The following MCF2L variants were observed in gnomAD, a reference collection of about 807,000 sequenced individuals.
The protein encoded by MCF2L is guanine nucleotide exchange factor DBS.
MCF2L carries 97 observed loss-of-function variants against 153.4 expected under a neutral mutation model. The ratio of observed to expected loss-of-function variants is 0.63; its 90% confidence interval spans 0.54 to 0.75. The LOEUF is 0.75. Among genes scored for constraint, MCF2L ranks in the 30% least tolerant of loss-of-function variants. The probability of loss-of-function intolerance (pLI) is 0.00; values close to 1 mark genes in which losing one functional copy is unlikely to be tolerated. For synonymous variants in MCF2L, 659 were observed against 632.2 expected, an observed-to-expected ratio of 1.04 and a Z score of -0.64; for missense variants, 1,347 against 1,495.2, an observed-to-expected ratio of 0.90 and a Z score of 1.64.
At chr13:112,990,926 T>C (rs1334047226) in intron 1 of MCF2L, among the ~76,000 whole-genome samples, 1 of 152,242 alleles carries the variant, frequency 6.6e-6, no homozygotes, top group Non-Finnish European at 1.5e-5. Flanking sequence ...GAAAACCCGC[T>C]GCCTCCTCCC....
At position 113,054,781 on chromosome 13, in the gene MCF2L, C is replaced by T. The variant is rs931356463; in HGVS notation, c.370-5812C>T. 6.6e-6 allele frequency: 1 copy of T among 152,218 alleles called. No individual in the cohort carries two copies. Among genetic ancestry groups the T allele is most frequent in the African/African-American group, 2.4e-5 (1 of 41,454 alleles). The allele number at this position is 152,218 out of a possible 1,614,324, so 9.4% of individuals were successfully genotyped here. A position where few individuals can be genotyped will look rare whatever the true frequency, so the allele number is the denominator to read the frequency against. ...CTTTAGCTGCATTGGTAAATACATG[C>T]AGCGATTGTTTTCTGAGTCTCTAAG... On this transcript the variant is annotated intron_variant, in intron 4 of 29. Coordinates refer to ENST00000535094, the MANE Select transcript of MCF2L (RefSeq NM_001112732.3). The surrounding 1 kb of genome is among the most constrained non-coding windows in gnomAD (Gnocchi z 5.2).
chr13:112,922,814 G>A (rs1274630866), intron 2 of MCF2L, among the ~76,000 whole-genome samples: 14 of 152,216 alleles, frequency 9.2e-5, no homozygotes, highest in African/African-American at 2.4e-4. Flanking sequence ...CAGCGTGGGC[G>A]ACAGAGCAAG....
At position 113,087,506 on chromosome 13, in the gene MCF2L, C is replaced by T. The variant is rs200032715; in HGVS notation, c.2595+50C>T. The T allele has an allele frequency of 2.0e-4, 296 of 1,455,542 alleles. No individual in the cohort carries two copies. In the African/African-American group the frequency reaches 3.4e-3, roughly 17 times the overall value. The allele number at this position is 1,455,542 out of a possible 1,614,324, so 90.2% of individuals were successfully genotyped here. A position where few individuals can be genotyped will look rare whatever the true frequency, so the allele number is the denominator to read the frequency against. The stretch of plus-strand genomic sequence containing the variant: ...GCACGCTCCTGGCCACAGACCCCGA[C>T]GGGGGAAGTCTGTAACTCGGTCTGA... On this transcript the variant is annotated intron_variant, in intron 22 of 29. Coordinates refer to ENST00000535094, the MANE Select transcript of MCF2L (RefSeq NM_001112732.3).
At chr13:112,987,176 G>A (rs987584520) in intron 1 of MCF2L, among the ~76,000 whole-genome samples, 5 of 152,214 alleles carry the variant, frequency 3.3e-5, no homozygotes, top group Admixed American at 6.5e-5. Flanking sequence ...AGCACGGGCC[G>A]CAGGGTCTCT....
chr13:112,991,734 G>A (rs3011532), intron 1 of MCF2L, among the ~76,000 whole-genome samples: 62,133 of 152,008 alleles, frequency 0.41, 13,162 homozygotes, highest in African/African-American at 0.52. Flanking sequence ...CTCCCTGGCC[G>A]GGAAAGGGGG....
chr13:113,011,737 G>A (rs2084131006), intron 1 of MCF2L, among the ~76,000 whole-genome samples: 1 of 139,048 alleles, frequency 7.2e-6, no homozygotes, highest in African/African-American at 2.6e-5. Flanking sequence ...CGGTGTGGAC[G>A]GTGGACACCG....
chr13:112,986,445 C>A (rs1425192458), intron 1 of MCF2L, among the ~76,000 whole-genome samples: 2 of 152,224 alleles, frequency 1.3e-5, no homozygotes, highest in Non-Finnish European at 2.9e-5. Flanking sequence ...ACGTCAGCAC[C>A]ACCACCGCCC....
At chr13:113,094,805 A>T in intron 27 of MCF2L, 170 bp downstream of exon 27, 1 of 1,044,234 alleles carries the variant, frequency 9.6e-7, no homozygotes, top group Admixed American at 2.2e-5. Flanking sequence ...GCTCCTCCTA[A>T]CTCTCTCTGG....
At chr13:112,945,857 T>C (rs980446709) in intron 2 of MCF2L, among the ~76,000 whole-genome samples, 1 of 152,210 alleles carries the variant, frequency 6.6e-6, no homozygotes, top group African/African-American at 2.4e-5. Context: ...GGTGAATTGA[T>C]GAGGAGGGGC....
rs771981073 is a variant in MCF2L at position 112,977,064 on chromosome 13, C to T, written c.79+7606C>T. ...TGTGCACGGCGGCTCCCACCCGCAT[C>T]AGCCCAGGAGCGCTGAATTTTAAAT... On this transcript the variant is annotated intron_variant, in intron 1 of 29. Transcript: ENST00000535094. 1.4e-4 allele frequency among the ~76,000 whole-genome samples: 21 copies of T among 152,198 alleles called. 1 individual carries two copies. The highest frequency in any genetic ancestry group is 5.2e-4 in the Admixed American group (8 of 15,280).
chr13:113,044,847 G>A (rs562236964), intron 3 of MCF2L: 31 of 1,612,916 alleles, frequency 1.9e-5, no homozygotes, highest in South Asian at 1.8e-4. Context: ...AATCCTTAAC[G>A]TGGACCAGCA....
At chr13:112,931,274 G>T (rs59913857) in intron 2 of MCF2L, among the ~76,000 whole-genome samples, 7,261 of 152,272 alleles carry the variant, frequency 0.048, 576 homozygotes, top group African/African-American at 0.17. Flanking sequence ...CTGGGCAGGA[G>T]TGGGGTCTGT....
At chr13:113,041,373 C>T (rs1162209766) in intron 3 of MCF2L, among the ~76,000 whole-genome samples, 2 of 152,218 alleles carry the variant, frequency 1.3e-5, no homozygotes, top group African/African-American at 4.8e-5. Flanking sequence ...GCAGTGCAGC[C>T]TCGGGAATGC....
At chr13:112,894,832 T>C (rs114703197) in intron 1 of MCF2L, among the ~76,000 whole-genome samples, 11,556 of 152,040 alleles carry the variant, frequency 0.076, 521 homozygotes, top group East Asian at 0.11. Flanking sequence ...GCCCACCCCT[T>C]CCTGCCAGAG....
chr13:112,919,553 T>C (rs1241763598), intron 2 of MCF2L, among the ~76,000 whole-genome samples: 1 of 151,702 alleles, frequency 6.6e-6, no homozygotes, highest in Non-Finnish European at 1.5e-5. Flanking sequence ...CTTTCAAAAC[T>C]GTTAGGAATC....
At position 112,909,147 on chromosome 13, in the gene MCF2L, C is replaced by G. The variant is rs958693700; in HGVS notation, c.169+6776C>G. The stretch of plus-strand genomic sequence containing the variant: ...CTCTCCCTCCTGCTTGCCTCATCCG[C>G]TTCTGGGTTAAGTCCAGGACTGGCA... On this transcript the variant is annotated intron_variant, in intron 2 of 29. Coordinates refer to the MCF2L transcript ENST00000375608. The G allele has an allele frequency of 5.3e-6, 4 of 758,998 alleles. No individual in the cohort carries two copies. In the Admixed American group the frequency reaches 6.9e-5, roughly 13 times the overall value. 47.0% of individuals were successfully genotyped at this position (758,998 alleles called of 1,614,324 possible). A position where few individuals can be genotyped will look rare whatever the true frequency, so the allele number is the denominator to read the frequency against.
At position 113,066,248 on chromosome 13, in the gene MCF2L, A is replaced by C. The variant is rs572772765; in HGVS notation, c.881+78A>C. 28 of 1,468,666 alleles carry C rather than the reference A, an allele frequency of 1.9e-5. No homozygotes were observed. In the South Asian group the frequency reaches 3.4e-4, roughly 18 times the overall value. The allele number at this position is 1,468,666 out of a possible 1,614,324, so 91.0% of individuals were successfully genotyped here. ...CCTCTCAGGCACACAGCTTCTGCAA[A>C]AGAAACAGGCCACGGAAATAGCAAG... On this transcript the variant is annotated intron_variant, in intron 8 of 29. Transcript: ENST00000535094.
chr13:112,908,502 C>G (rs978780596), intron 2 of MCF2L, among the ~76,000 whole-genome samples: 1 of 152,230 alleles, frequency 6.6e-6, no homozygotes, highest in African/African-American at 2.4e-5. Flanking sequence ...AGAGCCCCTT[C>G]TCAGAGCCAG....
rs757730901 is a variant in MCF2L at position 113,096,547 on chromosome 13, C to G, written c.3189-3C>G. ...GGCTGCCGCTGACCCTCGCCCCTTG[C>G]AGGTACGTCAGGGACCCGACCACTG... On this transcript the variant is annotated splice_polypyrimidine_tract_variant and splice_region_variant and intron_variant, in intron 28 of 29. Transcript: ENST00000535094. The G allele has an allele frequency of 6.2e-7, 1 of 1,602,484 alleles. No homozygotes were observed. Among genetic ancestry groups the G allele is most frequent in the Non-Finnish European group, 8.5e-7 (1 of 1,176,632 alleles).
Sources: allele counts gnomAD v4.1 joint callset (sites outside exome capture counted in the v4.1 genomes callset), GRCh38; gene constraint gnomAD v4.1.1; non-coding constraint Gnocchi (gnomAD v3.1); transcripts MANE v1.5; gene names NCBI Gene and HGNC (gene_info 2026-07-23, HGNC 2026-07-21).